The following IHO1 variants were observed in gnomAD, a reference collection of about 807,000 sequenced individuals.
IHO1 encodes the protein interactor of HORMAD1 protein 1.
Under a neutral mutation model 31.0 loss-of-function variants are expected in IHO1, and 13 were observed. The ratio of observed to expected loss-of-function variants is 0.42; its 90% CI spans 0.27 to 0.67. IHO1 has a LOEUF of 0.67. Ranked by LOEUF, IHO1 falls within the 30% of genes least tolerant of loss-of-function variation. The probability of loss-of-function intolerance (pLI) is 0.24; values close to 1 mark genes in which losing one functional copy is unlikely to be tolerated. For synonymous variants in IHO1, 221 were observed against 248.4 expected (o/e 0.89, Z 1.04); for missense variants, 599 against 687.5 (o/e 0.87, Z 1.44).
intron 2 of IHO1, among the ~76,000 whole-genome samples, chr3:49,226,334 A>G (rs192745971): frequency 7.2e-5 from 11 of 152,268 alleles, no homozygotes; most frequent in Middle Eastern, 3.4e-3. Context: ...CTGATTGGGT[A>G]ATAAACTTAT....
At chr3:49,251,777 T>C (rs746405281) in intron 6 of IHO1, among the ~76,000 whole-genome samples, 1 of 152,090 alleles carries the variant, frequency 6.6e-6, no homozygotes, top group Non-Finnish European at 1.5e-5. Context: ...AATTTTTGTA[T>C]TTTTAGTAGA....
At chr3:49,193,011 T>C in the IHO1 span, among the ~76,000 whole-genome samples, 1 of 152,126 alleles carries the variant, frequency 6.6e-6, no homozygotes, top group African/African-American at 2.4e-5. Flanking sequence ...TGGGCTATAG[T>C]CACACAATGA....
At chr3:49,231,296 G>A (rs959785716) in intron 2 of IHO1, among the ~76,000 whole-genome samples, 6 of 152,122 alleles carry the variant, frequency 3.9e-5, no homozygotes, top group South Asian at 2.1e-4. Context: ...GAGTATTCTC[G>A]ATAATCATTT....
At chr3:49,240,266 C>T (rs1024058060) in intron 3 of IHO1, among the ~76,000 whole-genome samples, 1 of 152,010 alleles carries the variant, frequency 6.6e-6, no homozygotes, top group Admixed American at 6.6e-5. Context: ...TCTTGTCGCC[C>T]AGGCTGGAAT....
intron 3 of IHO1, among the ~76,000 whole-genome samples, chr3:49,240,921 T>G (rs936633426): frequency 6.6e-6 from 1 of 152,194 alleles, no homozygotes; most frequent in Non-Finnish European, 1.5e-5. Flanking sequence ...ACACATCATG[T>G]CAGAAATAGC....
intron 1 of IHO1, chr3:49,200,465 A>AG: frequency 6.3e-6 from 1 of 159,200 alleles, no homozygotes; most frequent in East Asian, 3.8e-4. Context: ...ACTCGGTCTC[A>AG]AAAAAAAAAA....
At chr3:49,239,836 T>C (rs1405994644) in intron 3 of IHO1, among the ~76,000 whole-genome samples, 3 of 151,908 alleles carry the variant, frequency 2.0e-5, no homozygotes, top group Admixed American at 6.6e-5. Flanking sequence ...TAATTTTGTA[T>C]TTTTAGTAGA....
chr3:49,235,525 G>A (rs900827179), intron 2 of IHO1, among the ~76,000 whole-genome samples: 20 of 152,160 alleles, frequency 1.3e-4, no homozygotes, highest in Admixed American at 1.2e-3. Context: ...ACCGCACCCG[G>A]CCGATTATAT....
Position 49,257,240 on chromosome 3 carries a change from C to T in IHO1, c.1743C>T (p.Leu581=). The change falls in exon 8 of 8, where the codon CTC becomes CTT. Residue 581 remains leucine, a synonymous_variant. Transcript: ENST00000452691. ...PLCKEAGKNL[L]YDLGFDSSDD... ...GCAAGGAGGCAGGAAAGAATTTGCT[C>T]TATGACCTGGGTTTTGATAGCAGTG... 1 of 1,614,144 alleles carries T rather than the reference C, an allele frequency of 6.2e-7. No homozygotes were observed. Among genetic ancestry groups the T allele is most frequent in the Non-Finnish European group, 8.5e-7 (1 of 1,180,018 alleles).
intron 2 of IHO1, among the ~76,000 whole-genome samples, chr3:49,215,913 A>T (rs982629299): frequency 6.6e-6 from 1 of 152,202 alleles, no homozygotes; most frequent in Non-Finnish European, 1.5e-5. Flanking sequence ...CATTTATCCA[A>T]AAACAACTGT....
At chr3:49,213,902 G>A (rs1275913135) in intron 2 of IHO1, 1 of 349,682 alleles carries the variant, frequency 2.9e-6, no homozygotes, top group East Asian at 8.8e-5. Flanking sequence ...GCAGCGACAG[G>A]CTGAAGGGCT....
At position 49,256,013 on chromosome 3, in the gene IHO1, G is replaced by A. The variant is rs893774569; in HGVS notation, c.637-121G>A. 8 of 833,184 alleles carry A rather than the reference G, an allele frequency of 9.6e-6. No homozygotes were observed. The South Asian group carries it at 1.4e-4, about 14-fold the overall frequency. The allele number at this position is 833,184 out of a possible 1,614,324, so 51.6% of individuals were successfully genotyped here. Reference sequence around the variant, plus strand: ...GAGTGTAATTGTGCTTACCCTGAGAGGTTCCCTACAAGGAGCAAGCCTTGG... The same window carrying A: ...GAGTGTAATTGTGCTTACCCTGAGAAGTTCCCTACAAGGAGCAAGCCTTGG... On this transcript the variant is annotated intron_variant, in intron 7 of 7. Coordinates refer to ENST00000452691, the MANE Select transcript of IHO1 (RefSeq NM_001135197.2). This position sits in a 1 kb window ranked among gnomAD's most constrained non-coding sequence, Gnocchi z 4.6.
intron 2 of IHO1, among the ~76,000 whole-genome samples, chr3:49,220,362 C>T (rs1173538418): frequency 1.3e-5 from 2 of 152,324 alleles, no homozygotes; most frequent in African/African-American, 4.8e-5. Flanking sequence ...AGAATTTATT[C>T]CTTCCAGCAG....
intron 2 of IHO1, among the ~76,000 whole-genome samples, chr3:49,215,114 G>A (rs1257279493): frequency 2.7e-5 from 4 of 150,362 alleles, no homozygotes; most frequent in South Asian, 2.1e-4. Flanking sequence ...TTAGTGGCAC[G>A]ATCTCGGCTC....
At chr3:49,232,853 T>C (rs2046499981) in intron 2 of IHO1, among the ~76,000 whole-genome samples, 1 of 152,230 alleles carries the variant, frequency 6.6e-6, no homozygotes, top group Admixed American at 6.5e-5. Flanking sequence ...TTATATTTAT[T>C]GGGCGTATTT....
intron 2 of IHO1, among the ~76,000 whole-genome samples, chr3:49,225,837 G>A (rs1001588044): frequency 1.3e-5 from 2 of 152,184 alleles, no homozygotes; most frequent in African/African-American, 4.8e-5. Context: ...CGGTGTTCAG[G>A]AGGAAGTCAA....
intron 1 of IHO1, chr3:49,200,611 C>A: frequency 1.0e-6 from 1 of 980,622 alleles, no homozygotes; most frequent in Non-Finnish European, 1.2e-6. Flanking sequence ...ACGTGTTCCT[C>A]CCTTGTGTAC....
chr3:49,224,029 T>C (rs1390984168), intron 2 of IHO1, among the ~76,000 whole-genome samples: 1 of 152,176 alleles, frequency 6.6e-6, no homozygotes, highest in Non-Finnish European at 1.5e-5. Flanking sequence ...GATTTGGCCC[T>C]GTAGATAGGG....
At chr3:49,249,838 T>C (rs2046739401) in intron 6 of IHO1, among the ~76,000 whole-genome samples, 1 of 152,190 alleles carries the variant, frequency 6.6e-6, no homozygotes, top group African/African-American at 2.4e-5. Flanking sequence ...GATCTTTTGT[T>C]AGGCTCTCAT....
Sources: allele counts gnomAD v4.1 joint callset (sites outside exome capture counted in the v4.1 genomes callset), GRCh38; gene constraint gnomAD v4.1.1; non-coding constraint Gnocchi (gnomAD v3.1); transcripts MANE v1.5; gene names NCBI Gene and HGNC (gene_info 2026-07-23, HGNC 2026-07-21).